Variants in ZFPM2 observed in about 807,000 individuals in gnomAD.
ZFPM2 encodes the protein zinc finger protein ZFPM2.
Under a neutral mutation model 98.6 loss-of-function variants are expected in ZFPM2, and 20 were observed. The ratio of observed to expected loss-of-function variants is 0.20; its 90% CI spans 0.14 to 0.29. The LOEUF is 0.29. Among genes scored for constraint, ZFPM2 ranks in the 10% least tolerant of loss-of-function variants. The probability of loss-of-function intolerance (pLI) is 1.00; values close to 1 mark genes in which losing one functional copy is unlikely to be tolerated. For missense variants in ZFPM2, 1,310 were observed against 1,388.6 expected (o/e 0.94, Z 0.90); for synonymous variants, 518 against 502.7 (o/e 1.03, Z -0.41).
chr8:105,478,929 T>C (rs1347902656), intron 3 of ZFPM2, among the ~76,000 whole-genome samples: 2 of 152,218 alleles, frequency 1.3e-5, no homozygotes, highest in Non-Finnish European at 2.9e-5. Flanking sequence ...CAAAACATTT[T>C]ACTGAGAATA....
At chr8:105,716,795 C>A (rs1215389296) in intron 5 of ZFPM2, among the ~76,000 whole-genome samples, 10 of 151,948 alleles carry the variant, frequency 6.6e-5, no homozygotes. Flanking sequence ...ATATCAACTT[C>A]CAGAGGTTTT....
chr8:105,790,459 A>G (rs2344716), intron 6 of ZFPM2, among the ~76,000 whole-genome samples: 25,467 of 151,870 alleles, frequency 0.17, 3,753 homozygotes, highest in African/African-American at 0.4. Flanking sequence ...ATCTATCTCT[A>G]TTTTGGTACC....
chr8:105,413,189 A>C (rs569971341), intron 1 of ZFPM2, among the ~76,000 whole-genome samples: 1 of 151,852 alleles, frequency 6.6e-6, no homozygotes, highest in African/African-American at 2.4e-5. Context: ...AAATTAACAG[A>C]AATACAAGCC....
At chr8:105,666,902 C>G (rs1817499957) in intron 5 of ZFPM2, among the ~76,000 whole-genome samples, 1 of 152,130 alleles carries the variant, frequency 6.6e-6, no homozygotes, top group African/African-American at 2.4e-5. Flanking sequence ...GAGTGCATGC[C>G]TCTTTAATAT....
chr8:105,764,887 A>G (rs1406519994), intron 5 of ZFPM2, among the ~76,000 whole-genome samples: 2 of 151,814 alleles, frequency 1.3e-5, no homozygotes, highest in Non-Finnish European at 2.9e-5. Flanking sequence ...CCTAGTGTGC[A>G]GAGAAGTTTG....
chr8:105,528,521 T>C (rs1814224286), intron 3 of ZFPM2, among the ~76,000 whole-genome samples: 1 of 152,178 alleles, frequency 6.6e-6, no homozygotes, highest in Admixed American at 6.6e-5. Flanking sequence ...GTTTCCATTA[T>C]GATAGAATAA....
intron 1 of ZFPM2, among the ~76,000 whole-genome samples, chr8:105,334,141 T>TGC: frequency 6.7e-6 from 1 of 150,280 alleles, no homozygotes; most frequent in Non-Finnish European, 1.5e-5. Flanking sequence ...TGTGTGTGTG[T>TGC]GTGTGTGTGT....
At chr8:105,481,314 T>G (rs1375679321) in intron 3 of ZFPM2, among the ~76,000 whole-genome samples, 4 of 152,116 alleles carry the variant, frequency 2.6e-5, no homozygotes, top group Non-Finnish European at 5.9e-5. Flanking sequence ...CAACTGAAAT[T>G]TATTTTCTCG....
intron 1 of ZFPM2, among the ~76,000 whole-genome samples, chr8:105,400,511 A>G (rs1419796114): frequency 6.6e-6 from 1 of 152,094 alleles, no homozygotes; most frequent in Non-Finnish European, 1.5e-5. Context: ...TTTTTAAATG[A>G]TACAAAAGAA....
chr8:105,409,781 C>A (rs1811539824), intron 1 of ZFPM2, among the ~76,000 whole-genome samples: 1 of 151,794 alleles, frequency 6.6e-6, no homozygotes, highest in African/African-American at 2.4e-5. Flanking sequence ...TTGATGGCCC[C>A]ATCCCACAGA....
At chr8:105,372,313 A>G (rs1810640118) in intron 1 of ZFPM2, among the ~76,000 whole-genome samples, 1 of 152,126 alleles carries the variant, frequency 6.6e-6, no homozygotes, top group Non-Finnish European at 1.5e-5. Flanking sequence ...AAGTGCTGGG[A>G]TTACAGGCGT....
intron 2 of ZFPM2, among the ~76,000 whole-genome samples, chr8:105,439,281 T>G (rs1244968630): frequency 6.6e-6 from 1 of 152,142 alleles, no homozygotes; most frequent in Non-Finnish European, 1.5e-5. Flanking sequence ...TGTGGCCTCA[T>G]GGTTGTTTGT....
intron 5 of ZFPM2, among the ~76,000 whole-genome samples, chr8:105,643,647 T>TA (rs2130855109): frequency 6.6e-6 from 1 of 152,330 alleles, no homozygotes; most frequent in African/African-American, 2.4e-5. Context: ...TGATCAGTGT[T>TA]ATGTTACTTT....
chr8:105,684,941 G>T (rs182753017), intron 5 of ZFPM2: 12 of 152,072 alleles, frequency 7.9e-5, no homozygotes, highest in Admixed American at 7.2e-4. Flanking sequence ...AACAACACAA[G>T]AATTCTGTAT....
intron 5 of ZFPM2, among the ~76,000 whole-genome samples, chr8:105,654,472 C>G (rs977200903): frequency 3.9e-4 from 59 of 152,252 alleles, no homozygotes; most frequent in African/African-American, 1.4e-3. Flanking sequence ...AATCTGCAGA[C>G]TTCTAATACA....
At chr8:105,506,159 G>C (rs1813694258) in intron 3 of ZFPM2, among the ~76,000 whole-genome samples, 1 of 152,134 alleles carries the variant, frequency 6.6e-6, no homozygotes, top group Non-Finnish European at 1.5e-5. Context: ...TTTTGGAGCA[G>C]CAAGCAGTGA....
chr8:105,637,509 A>C (rs12676289), intron 5 of ZFPM2, among the ~76,000 whole-genome samples: 32,015 of 152,018 alleles, frequency 0.21, 3,382 homozygotes, highest in South Asian at 0.25. Flanking sequence ...TTTGCATTTC[A>C]ACATATATTT....
rs759906375 is a variant in ZFPM2 at position 105,442,968 on chromosome 8, T to C, written c.200-1312T>C. On this transcript the variant is annotated intron_variant, in intron 2 of 7. Transcript: ENST00000407775. ...GAGTTGGGAAACTGGAAAATAGTTATTGGATACTTCAGAGAAAGCTAGATA... is the reference window on the plus strand; with the variant it reads ...GAGTTGGGAAACTGGAAAATAGTTACTGGATACTTCAGAGAAAGCTAGATA... 2.6e-5 allele frequency among the ~76,000 whole-genome samples: 4 copies of C among 151,992 alleles called. 1 individual carries two copies. Among genetic ancestry groups the C allele is most frequent in the Non-Finnish European group, 5.9e-5 (4 of 67,996 alleles).
intron 1 of ZFPM2, among the ~76,000 whole-genome samples, chr8:105,407,928 C>G (rs914283331): frequency 2.0e-5 from 3 of 151,822 alleles, no homozygotes; most frequent in African/African-American, 7.3e-5. Flanking sequence ...CTCAGGGAGG[C>G]TGGCGCAGAG....
Sources: gnomAD v4.1 joint callset for allele counts (sites outside exome capture counted in the v4.1 genomes callset) on GRCh38, gnomAD v4.1.1 for gene constraint, MANE v1.5 for transcripts, NCBI Gene and HGNC (gene_info 2026-07-23, HGNC 2026-07-21) for gene names.